Variants in RASGRP1 observed in about 807,000 individuals in gnomAD.
RASGRP1 encodes RAS guanyl releasing protein 1.
RASGRP1 carries 37 observed loss-of-function variants against 95.1 expected under a neutral mutation model. The ratio of observed to expected loss-of-function variants is 0.39; its 90% CI spans 0.30 to 0.51. The LOEUF is 0.51. RASGRP1 is among the 20% of genes least tolerant of loss of function. The pLI is 0.80. For missense variants in RASGRP1, 711 were observed against 965.4 expected (o/e 0.74, Z 3.49); for synonymous variants, 325 against 353.4 (o/e 0.92, Z 0.90).
rs1452501248 is a variant in RASGRP1, at chr15:38,489,851, G to T, written c.*703C>A. On this transcript the variant is annotated 3_prime_UTR_variant, in exon 17 of 17. Coordinates refer to ENST00000310803, the MANE Select transcript of RASGRP1 (RefSeq NM_005739.4). ...TGAGATGGTAATAGCTATGTTTCCA[G>T]GTACCTAATTTGATTACTTATTTTC... The T allele has an allele frequency of 6.6e-6, 1 of 151,896 alleles. No homozygotes were observed. The highest frequency in any genetic ancestry group is 6.6e-5 in the Admixed American group (1 of 15,258). 9.4% of individuals were successfully genotyped at this position (151,896 alleles called of 1,614,324 possible). A position where few individuals can be genotyped will look rare whatever the true frequency, so the allele number is the denominator to read the frequency against.
chr15:38,542,840 TATATATATGTGTATATATATACAC>T (rs1892928170), intron 2 of RASGRP1, among the ~76,000 whole-genome samples: 1 of 128,240 alleles, frequency 7.8e-6, no homozygotes, highest in Admixed American at 7.8e-5. Context: ...TATGTGTATA[TATATATATGTGTATATATATACAC>T]ATATATGTGT....
Position 38,518,333 on chromosome 15 carries a change from C to T in RASGRP1, c.480G>A (p.Lys160=). 1 of 1,610,308 alleles carries T rather than the reference C, an allele frequency of 6.2e-7. No homozygotes were observed. The highest frequency in any genetic ancestry group is 8.5e-7 in the Non-Finnish European group (1 of 1,178,358). Residue 160 remains lysine (K), a synonymous_variant, in exon 5 of 17, where the codon AAG becomes AAA. Transcript: ENST00000310803. The part of the protein sequence containing the change: ...MEEFQELVKA[K]GEELHCRLID... ...TCAGGCGGCAATGTAACTCCTCACC[C>T]TTAGCTTTCACCAGTTCCTGAAACT...
At chr15:38,557,629 G>GTGTGTGTGTGTATA (rs745934661) in intron 2 of RASGRP1, among the ~76,000 whole-genome samples, 10 of 147,366 alleles carry the variant, frequency 6.8e-5, no homozygotes, top group Non-Finnish European at 1.3e-4. Context: ...GTGTGTGTGT[G>GTGTGTGTGTGTATA]TATATATATA....
At position 38,526,296 on chromosome 15, in the gene RASGRP1, T is replaced by C; in HGVS notation, c.326+3A>G. 1.2e-6 allele frequency: 2 copies of C among 1,608,566 alleles called. No homozygotes were observed. Among genetic ancestry groups the C allele is most frequent in the Non-Finnish European group, 1.7e-6 (2 of 1,175,180 alleles). On this transcript the variant is annotated splice_donor_region_variant and intron_variant, in intron 3 of 16. Transcript: ENST00000310803. ...GATTGCCAGTCACTATGTTAAAGGA[T>C]ATAGGGTGATAACTTTTTGGAGCAG...
At chr15:38,556,726 G>A (rs934261560) in intron 2 of RASGRP1, among the ~76,000 whole-genome samples, 5 of 152,184 alleles carry the variant, frequency 3.3e-5, no homozygotes, top group Non-Finnish European at 5.9e-5. Context: ...TAATTGAAAT[G>A]TATACGAAAA....
chr15:38,552,757 A>T (rs1269643222), intron 2 of RASGRP1, among the ~76,000 whole-genome samples: 1 of 152,246 alleles, frequency 6.6e-6, no homozygotes, highest in Non-Finnish European at 1.5e-5. Flanking sequence ...GTGTTTAATA[A>T]CTAGCTTGCA....
intron 2 of RASGRP1, among the ~76,000 whole-genome samples, chr15:38,556,437 GAGAT>G (rs1313740962): frequency 6.6e-6 from 1 of 152,222 alleles, no homozygotes; most frequent in East Asian, 1.9e-4. Flanking sequence ...TAATGCTAAA[GAGAT>G]AGCCATCAGT....
At chr15:38,499,618 C>G (rs1890933762) in intron 14 of RASGRP1, among the ~76,000 whole-genome samples, 1 of 152,208 alleles carries the variant, frequency 6.6e-6, no homozygotes, top group Non-Finnish European at 1.5e-5. Flanking sequence ...GGATGAGACT[C>G]TGAACTATGC....
At chr15:38,514,276 G>A (rs1891668733) in intron 6 of RASGRP1, among the ~76,000 whole-genome samples, 1 of 152,010 alleles carries the variant, frequency 6.6e-6, no homozygotes, top group Non-Finnish European at 1.5e-5. Flanking sequence ...CTATGAGTAG[G>A]ACCAAAATCG....
chr15:38,499,516 T>C (rs1215440890), intron 14 of RASGRP1, among the ~76,000 whole-genome samples: 1 of 152,104 alleles, frequency 6.6e-6, no homozygotes, highest in Non-Finnish European at 1.5e-5. Context: ...AAGAGGATTT[T>C]ATACAGAGAA....
In RASGRP1 at chr15:38,507,809, A is replaced by G. The variant is rs750396457; in HGVS notation, c.1159T>C (p.Tyr387His). The change falls in exon 9 of 17, where the codon TAC (tyrosine) becomes CAC (histidine). Residue 387 changes from tyrosine (Y) to histidine (H), a missense_variant. Coordinates refer to ENST00000310803, the MANE Select transcript of RASGRP1 (RefSeq NM_005739.4). ...KVNVHKLLAL[Y>H]NHISELVQLQ... The stretch of plus-strand genomic sequence containing the variant: ...TGGACCAATTCACTGATATGATTGT[A>G]TAGGGCCAGTAGCTTATGGACGTTC... The G allele has an allele frequency of 9.9e-5, 160 of 1,612,462 alleles. No homozygotes were observed. Among genetic ancestry groups the G allele is most frequent in the Non-Finnish European group, 1.3e-4 (156 of 1,179,502 alleles).
rs937137964 is a variant in RASGRP1 at position 38,488,993 on chromosome 15, C to G, written c.*1561G>C. On this transcript the variant is annotated 3_prime_UTR_variant, in exon 17 of 17. Transcript: ENST00000310803. The stretch of plus-strand genomic sequence containing the variant: ...AGTTCTATATCACTAAAACTCAGTG[C>G]AAGGAGGAACTCAAATGGGAACTGA... 1 of 151,912 alleles carries G rather than the reference C, an allele frequency of 6.6e-6. No homozygotes were observed. The highest frequency in any genetic ancestry group is 1.5e-5 in the Non-Finnish European group (1 of 67,862). 9.4% of individuals were successfully genotyped at this position (151,912 alleles called of 1,614,324 possible).
chr15:38,503,553 A>G, intron 10 of RASGRP1, 177 bp from the exon 11 acceptor site: 3 of 620,210 alleles, frequency 4.8e-6, no homozygotes, highest in Non-Finnish European at 8.5e-6. Context: ...TTGGCTAACA[A>G]GGCATTGTGC....
intron 16 of RASGRP1, 122 bp downstream of exon 16, chr15:38,494,260 C>A (rs1890708821): frequency 1.5e-6 from 2 of 1,309,122 alleles, no homozygotes; most frequent in Non-Finnish European, 2.1e-6. Flanking sequence ...TCCCCTCCTC[C>A]TTTTTTGTTT....
intron 2 of RASGRP1, among the ~76,000 whole-genome samples, chr15:38,546,553 T>C (rs1248348676): frequency 6.6e-6 from 1 of 152,172 alleles, no homozygotes; most frequent in Non-Finnish European, 1.5e-5. Context: ...TCTGGTAAGA[T>C]GCTTACTTCA....
intron 2 of RASGRP1, among the ~76,000 whole-genome samples, chr15:38,557,899 G>C (rs1236093875): frequency 6.6e-6 from 1 of 152,142 alleles, no homozygotes; most frequent in Non-Finnish European, 1.5e-5. Context: ...GGTCTGTTAA[G>C]GGGATTGAAT....
intron 3 of RASGRP1, among the ~76,000 whole-genome samples, chr15:38,520,404 TTAAA>T (rs1237486059): frequency 3.3e-5 from 5 of 152,244 alleles, no homozygotes; most frequent in South Asian, 2.1e-4. Flanking sequence ...AAATTTAGAG[TTAAA>T]TAAAGAAAAG....
At chr15:38,541,118 A>G (rs1892841375) in intron 2 of RASGRP1, among the ~76,000 whole-genome samples, 1 of 152,200 alleles carries the variant, frequency 6.6e-6, no homozygotes, top group African/African-American at 2.4e-5. Flanking sequence ...CCTGACTTAC[A>G]TTTGTATAGC....
chr15:38,534,874 T>C (rs1010453751), intron 2 of RASGRP1, among the ~76,000 whole-genome samples: 1 of 152,182 alleles, frequency 6.6e-6, no homozygotes, highest in African/African-American at 2.4e-5. Flanking sequence ...GCCAGAGTAG[T>C]AGAGCAGGAA....
Sources: allele counts gnomAD v4.1 joint callset (sites outside exome capture counted in the v4.1 genomes callset), GRCh38; gene constraint gnomAD v4.1.1; transcripts MANE v1.5; gene names NCBI Gene and HGNC (gene_info 2026-07-23, HGNC 2026-07-21).